CCNY: variants seen among roughly 807,000 people sequenced by gnomAD.
The protein encoded by CCNY is cyclin-Y.
CCNY carries 19 observed loss-of-function variants against 42.8 expected under a neutral mutation model. That is an observed-to-expected ratio of 0.44 (90% CI 0.31 to 0.65). The LOEUF (loss-of-function observed/expected upper bound fraction) is 0.65. Ranked by LOEUF, CCNY falls within the 30% of genes least tolerant of loss-of-function variation. The pLI, the probability that CCNY is intolerant of heterozygous loss-of-function variation, is 0.07. For missense variants in CCNY, 370 were observed against 437.3 expected, an observed-to-expected ratio of 0.85 and a Z score of 1.37; for synonymous variants, 165 against 162.7, an observed-to-expected ratio of 1.01 and a Z score of -0.11.
At chr10:35,543,629 C>T (rs1436843128) in intron 7 of CCNY, among the ~76,000 whole-genome samples, 2 of 152,042 alleles carry the variant, frequency 1.3e-5, no homozygotes, top group Non-Finnish European at 2.9e-5. Context: ...TAATAAACGA[C>T]TCTGTTACTG....
upstream of CCNY, chr10:35,336,262 G>C (rs1374032612): frequency 1.3e-5 from 2 of 151,922 alleles, no homozygotes; most frequent in South Asian, 2.1e-4. Flanking sequence ...GCCCGGGGGA[G>C]TGGAGGAGGC....
intron 3 of CCNY, among the ~76,000 whole-genome samples, chr10:35,307,800 G>A (rs7478050): frequency 0.18 from 8,267 of 45,382 alleles, 298 homozygotes; most frequent in African/African-American, 0.25. Context: ...GTGTGTGTGT[G>A]TATATATATA....
intron 1 of CCNY, among the ~76,000 whole-genome samples, chr10:35,432,073 A>G (rs1215634288): frequency 6.6e-6 from 1 of 152,216 alleles, no homozygotes; most frequent in Non-Finnish European, 1.5e-5. Context: ...ATCATCTTGC[A>G]TATCAGTAAC....
At chr10:35,330,974 G>T (rs1205121521) in intron 3 of CCNY, among the ~76,000 whole-genome samples, 1 of 152,184 alleles carries the variant, frequency 6.6e-6, no homozygotes, top group Non-Finnish European at 1.5e-5. Context: ...TGGCCAGGCT[G>T]GTCTTGAACT....
intron 1 of CCNY, among the ~76,000 whole-genome samples, chr10:35,368,344 T>C (rs1323427339): frequency 6.6e-6 from 1 of 152,226 alleles, no homozygotes. Context: ...TAAAATGGAA[T>C]GATCATAATC....
At chr10:35,252,661 C>A (rs972712961) in intron 3 of CCNY, among the ~76,000 whole-genome samples, 3 of 149,966 alleles carry the variant, frequency 2.0e-5, no homozygotes, top group Non-Finnish European at 3.0e-5. Context: ...AAAATATATT[C>A]TCTGCAAATT....
chr10:35,532,922 T>C (rs545207210), intron 7 of CCNY, among the ~76,000 whole-genome samples: 1 of 152,188 alleles, frequency 6.6e-6, no homozygotes, highest in Non-Finnish European at 1.5e-5. Flanking sequence ...CAGAAGGAGA[T>C]ATATTGGAAG....
chr10:35,482,490 T>C (rs1839690544), intron 1 of CCNY, among the ~76,000 whole-genome samples: 1 of 152,252 alleles, frequency 6.6e-6, no homozygotes, highest in African/African-American at 2.4e-5. Context: ...GATGGCATTC[T>C]AAGTTGTTTA....
At chr10:35,474,318 C>T (rs1839456935) in intron 1 of CCNY, among the ~76,000 whole-genome samples, 1 of 152,230 alleles carries the variant, frequency 6.6e-6, no homozygotes. Context: ...GCCTGCGTGC[C>T]TCTGTAGGCT....
intron 1 of CCNY, among the ~76,000 whole-genome samples, chr10:35,362,764 A>C (rs552131320): frequency 1.1e-3 from 153 of 138,338 alleles, no homozygotes; most frequent in African/African-American, 3.7e-3. Context: ...AGAGGCGCTC[A>C]TCACATCCCA....
chr10:35,421,836 C>G (rs965142222), intron 1 of CCNY, among the ~76,000 whole-genome samples: 1 of 152,164 alleles, frequency 6.6e-6, no homozygotes, highest in Non-Finnish European at 1.5e-5. Context: ...AGAGGTTTCT[C>G]TTGACAGTAA....
intron 4 of CCNY, among the ~76,000 whole-genome samples, chr10:35,520,499 A>G (rs1275002344): frequency 1.3e-5 from 2 of 152,314 alleles, no homozygotes; most frequent in South Asian, 4.1e-4. Context: ...GTGAGCATTT[A>G]TGGGCCAGAG....
At chr10:35,285,506 C>T (rs1033133526) in intron 3 of CCNY, among the ~76,000 whole-genome samples, 2 of 152,180 alleles carry the variant, frequency 1.3e-5, no homozygotes, top group Non-Finnish European at 2.9e-5. Flanking sequence ...CTCACTGCAG[C>T]CTTGACTTCC....
chr10:35,463,007 G>GT (rs1219472819), intron 1 of CCNY, among the ~76,000 whole-genome samples: 3 of 152,372 alleles, frequency 2.0e-5, no homozygotes, highest in East Asian at 3.9e-4. Context: ...GTAAATGGAG[G>GT]TTCTGTACAC....
At chr10:35,296,418 A>G (rs777658957) in intron 3 of CCNY, among the ~76,000 whole-genome samples, 2 of 152,070 alleles carry the variant, frequency 1.3e-5, no homozygotes, top group Non-Finnish European at 2.9e-5. Context: ...CATGTCGACT[A>G]AAAAATACAA....
intron 2 of CCNY, among the ~76,000 whole-genome samples, chr10:35,488,420 C>T (rs1224282859): frequency 2.6e-5 from 4 of 152,106 alleles, no homozygotes; most frequent in South Asian, 2.1e-4. Context: ...TTCCTCCGAG[C>T]GCTGCCATGG....
At chr10:35,337,350 G>T (rs1388041757) in intron 1 of CCNY, 143 bp downstream of exon 1, 4 of 846,782 alleles carry the variant, frequency 4.7e-6, no homozygotes, top group Non-Finnish European at 6.7e-6. Flanking sequence ...CAGCCTAGGC[G>T]CCCGGGGCCC....
At chr10:35,529,787 T>C (rs1840726475) in intron 5 of CCNY, among the ~76,000 whole-genome samples, 186 bp from the exon 6 acceptor site, 1 of 151,908 alleles carries the variant, frequency 6.6e-6, no homozygotes, top group South Asian at 2.1e-4. Flanking sequence ...GGAGAATCAC[T>C]TGAACCCAGG....
chr10:35,497,088 C>T (rs1408775537), intron 2 of CCNY, among the ~76,000 whole-genome samples: 1 of 152,166 alleles, frequency 6.6e-6, no homozygotes, highest in Admixed American at 6.5e-5. Flanking sequence ...AAGGAGATTG[C>T]TGTTATTCCT....
Sources: gnomAD v4.1 joint callset for allele counts (sites outside exome capture counted in the v4.1 genomes callset) on GRCh38, gnomAD v4.1.1 for gene constraint, MANE v1.5 for transcripts, NCBI Gene and HGNC (gene_info 2026-07-23, HGNC 2026-07-21) for gene names.